The following IDNK variants were observed in gnomAD, a reference collection of about 807,000 sequenced individuals.
IDNK encodes the protein IDNK gluconokinase, also known as gluconokinase.
A neutral mutation model predicts 13.0 loss-of-function variants in IDNK; 9 were observed. The observed-to-expected ratio is 0.69, with a 90% CI of 0.42 to 1.21. The LOEUF (loss-of-function observed/expected upper bound fraction) is 1.21. IDNK is among the 50% of genes most tolerant of loss of function. The probability of loss-of-function intolerance (pLI) is 0.00; values close to 1 mark genes in which losing one functional copy is unlikely to be tolerated. For synonymous variants in IDNK, 92 were observed against 94.9 expected, an observed-to-expected ratio of 0.97 and a Z score of 0.18; for missense variants, 210 against 237.8, an observed-to-expected ratio of 0.88 and a Z score of 0.77.
intron 1 of IDNK, 103 bp from the exon 2 acceptor site, chr9:83,628,078 A>C (rs1830909652): frequency 1.3e-6 from 2 of 1,532,646 alleles, no homozygotes; most frequent in Non-Finnish European, 1.8e-6. Context: ...TGGTGTTTAA[A>C]TTCCTGCTAA....
chr9:83,623,345 A>T (rs1421665139), intron 1 of IDNK, 124 bp downstream of exon 1: 8 of 953,422 alleles, frequency 8.4e-6, no homozygotes, highest in Non-Finnish European at 1.2e-5. Flanking sequence ...CCCTTTGCAG[A>T]TGAAGAAACC....
chr9:83,626,574 A>T, intron 1 of IDNK: 1 of 531,644 alleles, frequency 1.9e-6, no homozygotes, highest in Non-Finnish European at 3.3e-6. Flanking sequence ...GCACCACCAC[A>T]CCCAGCTAAG....
intron 1 of IDNK, among the ~76,000 whole-genome samples, chr9:83,624,007 A>G (rs1484462380): frequency 6.6e-6 from 1 of 152,154 alleles, no homozygotes; most frequent in African/African-American, 2.4e-5. Context: ...CCCTTCTAGA[A>G]TTTTCTGAAT....
intron 1 of IDNK, 57 bp downstream of exon 1, chr9:83,623,278 G>A: frequency 5.2e-6 from 7 of 1,343,332 alleles, no homozygotes; most frequent in Non-Finnish European, 6.8e-6. Context: ...CGCGGCGGAG[G>A]CCGGACGCGT....
chr9:83,627,433 T>C (rs964330288), intron 1 of IDNK, among the ~76,000 whole-genome samples: 1 of 152,174 alleles, frequency 6.6e-6, no homozygotes. Context: ...GGATACATCA[T>C]GTGGCTCAGA....
At chr9:83,638,022 C>T (rs1831209508) in intron 3 of IDNK, among the ~76,000 whole-genome samples, 1 of 152,026 alleles carries the variant, frequency 6.6e-6, no homozygotes, top group Admixed American at 6.6e-5. Context: ...AGGCACCAAG[C>T]TTATAAACTG....
At chr9:83,626,821 G>A (rs962482076) in intron 1 of IDNK, 51 of 1,128,848 alleles carry the variant, frequency 4.5e-5, no homozygotes, top group East Asian at 2.7e-4. Flanking sequence ...GTCTCCCTGC[G>A]CAGCCTTCAA....
chr9:83,635,185 C>G (rs1334688405), intron 3 of IDNK, among the ~76,000 whole-genome samples: 1 of 152,220 alleles, frequency 6.6e-6, no homozygotes, highest in African/African-American at 2.4e-5. Flanking sequence ...TGTCAACACA[C>G]TGAACATGGA....
intron 3 of IDNK, among the ~76,000 whole-genome samples, chr9:83,633,833 G>C (rs1449051869): frequency 6.6e-6 from 1 of 152,170 alleles, no homozygotes; most frequent in Non-Finnish European, 1.5e-5. Context: ...TAAAGGCCCT[G>C]ATCATCCAAC....
At chr9:83,628,846 A>T (rs1830932936) in intron 2 of IDNK, 27 bp from the exon 3 acceptor site, 2 of 1,553,778 alleles carry the variant, frequency 1.3e-6, no homozygotes, top group African/African-American at 2.7e-5. Flanking sequence ...TGCCTGCCAC[A>T]TACACCCTTT....
chr9:83,643,469 G>T lies in IDNK; in HGVS notation c.253G>T (p.Ala85Ser). The change falls in exon 5 of 5, where the codon GCC becomes TCC. Residue 85 changes from alanine (A) to serine (S), a missense_variant. Transcript: ENST00000376419. ...SGQRVVLACS[A>S]LKKTYRDILT... ...ACAGCGTGTGGTTCTAGCCTGTTCA[G>T]CCCTGAAGAAAACGTACAGAGACAT... The T allele has an allele frequency of 6.2e-7, 1 of 1,613,622 alleles. No individual in the cohort carries two copies. Among genetic ancestry groups the T allele is most frequent in the Non-Finnish European group, 8.5e-7 (1 of 1,179,858 alleles).
intron 3 of IDNK, among the ~76,000 whole-genome samples, chr9:83,637,428 AG>A (rs1265361964): frequency 3.3e-4 from 51 of 152,370 alleles, no homozygotes; most frequent in African/African-American, 1.2e-3. Context: ...ACAAAGTGAT[AG>A]CCTTGGTAGA....
intron 1 of IDNK, chr9:83,626,785 A>G (rs1255332526): frequency 3.4e-6 from 4 of 1,172,778 alleles, no homozygotes; most frequent in Admixed American, 3.7e-5. Flanking sequence ...TTTGGCCGGG[A>G]TGGTCTACTC....
intron 1 of IDNK, among the ~76,000 whole-genome samples, chr9:83,625,533 A>G (rs1265826043): frequency 1.3e-5 from 2 of 152,222 alleles, no homozygotes; most frequent in Admixed American, 6.5e-5. Flanking sequence ...TCAGTGGCGC[A>G]GGGTCAGGGA....
At chr9:83,631,401 G>A (rs1831008005) in intron 3 of IDNK, among the ~76,000 whole-genome samples, 1 of 137,554 alleles carries the variant, frequency 7.3e-6, no homozygotes, top group Non-Finnish European at 1.5e-5. Context: ...AAGACCAGGA[G>A]CTTGAGACCT....
At chr9:83,629,499 C>T (rs927233618) in intron 3 of IDNK, among the ~76,000 whole-genome samples, 2 of 152,256 alleles carry the variant, frequency 1.3e-5, no homozygotes, top group East Asian at 1.9e-4. Context: ...AGGAGCCATG[C>T]GCCTCCATAT....
At chr9:83,626,012 TCTC>T (rs1174778072) in intron 1 of IDNK, among the ~76,000 whole-genome samples, 3 of 152,218 alleles carry the variant, frequency 2.0e-5, no homozygotes, top group Admixed American at 1.3e-4. Context: ...ACCCTTAACA[TCTC>T]CTTCCAGGTT....
Position 83,641,610 on chromosome 9 carries a change from T to G in IDNK, c.212+19T>G. 1 of 1,613,578 alleles carries G rather than the reference T, an allele frequency of 6.2e-7. No homozygotes were observed. Among genetic ancestry groups the G allele is most frequent in the South Asian group, 1.1e-5 (1 of 91,026 alleles). On this transcript the variant is annotated intron_variant, in intron 4 of 4. Coordinates refer to ENST00000376419, the MANE Select transcript of IDNK (RefSeq NM_001001551.4). ...TACTAAGGTAAGAGACCACCAGGCC[T>G]TGGCATAAGCCAAAGCCAGCAGGTA...
chr9:83,639,698 C>A (rs986814346), intron 3 of IDNK, among the ~76,000 whole-genome samples: 9 of 152,062 alleles, frequency 5.9e-5, no homozygotes, highest in Non-Finnish European at 1.3e-4. Flanking sequence ...TGGCAGTGAT[C>A]TAGTGGCAGA....
Sources: allele counts gnomAD v4.1 joint callset (sites outside exome capture counted in the v4.1 genomes callset), GRCh38; gene constraint gnomAD v4.1.1; transcripts MANE v1.5; gene names NCBI Gene and HGNC (gene_info 2026-07-23, HGNC 2026-07-21).